GARNL3: variants seen among roughly 807,000 people sequenced by gnomAD.
GARNL3 encodes GTPase-activating Rap/Ran-GAP domain-like protein 3.
A neutral mutation model predicts 125.0 loss-of-function variants in GARNL3; 63 were observed. The ratio of observed to expected loss-of-function variants is 0.50; its 90% CI spans 0.41 to 0.62. The LOEUF is 0.62. Among genes scored for constraint, GARNL3 ranks in the 20% least tolerant of loss-of-function variants. The pLI is 0.00. For synonymous variants in GARNL3, 439 were observed against 457.5 expected (o/e 0.96, Z 0.52); for missense variants, 994 against 1,244.0 (o/e 0.80, Z 3.02).
At chr9:127,272,409 T>C (rs2063844208) in intron 1 of GARNL3, among the ~76,000 whole-genome samples, 1 of 150,138 alleles carries the variant, frequency 6.7e-6, no homozygotes, top group African/African-American at 2.5e-5. Flanking sequence ...TTCAGCGTTG[T>C]ACAGCTAAAA....
intron 1 of GARNL3, among the ~76,000 whole-genome samples, chr9:127,279,568 T>C (rs76575430): frequency 0.039 from 5,987 of 152,264 alleles, 374 homozygotes; most frequent in African/African-American, 0.13. Flanking sequence ...TTTTCATCCT[T>C]TTTTATCTCA....
intron 22 of GARNL3, among the ~76,000 whole-genome samples, chr9:127,366,264 G>A (rs1417857417): frequency 6.6e-6 from 1 of 152,188 alleles, no homozygotes; most frequent in South Asian, 2.1e-4. Context: ...TTCAAAATTC[G>A]AGATTTATGG....
At chr9:127,257,075 A>T (rs1002595570) in intron 2 of GARNL3, among the ~76,000 whole-genome samples, 6 of 152,216 alleles carry the variant, frequency 3.9e-5, no homozygotes, top group Admixed American at 1.3e-4. Flanking sequence ...TTCCCTGGAG[A>T]TTAATCCAAG....
rs142080037 is a variant in GARNL3 at position 127,256,111 on chromosome 9, C to G, written c.144-8841C>G. On this transcript the variant is annotated intron_variant, in intron 2 of 10. Coordinates refer to the GARNL3 transcript ENST00000439286. ...CCTTATATTAAGTTTCCGTTTAATA[C>G]AATTTGGTCATGCATTTATAGATCC... is the stretch of plus-strand genomic sequence containing the variant. 2.6e-5 allele frequency among the ~76,000 whole-genome samples: 4 copies of G among 152,292 alleles called. No individual in the cohort carries two copies. In the East Asian group the frequency reaches 7.7e-4, roughly 29 times the overall value.
intron 22 of GARNL3, among the ~76,000 whole-genome samples, chr9:127,372,044 T>C (rs1831639949): frequency 6.6e-6 from 1 of 152,230 alleles, no homozygotes; most frequent in African/African-American, 2.4e-5. Flanking sequence ...ATGATTCTCC[T>C]GCGTCAGCCT....
intron 27 of GARNL3, among the ~76,000 whole-genome samples, chr9:127,391,591 T>C (rs1368740439): frequency 1.4e-5 from 2 of 138,134 alleles, no homozygotes; most frequent in East Asian, 4.2e-4. Context: ...TCCCAGTTAC[T>C]TGGGAGGCTA....
chr9:127,245,165 G>C (rs916887605), intron 2 of GARNL3, among the ~76,000 whole-genome samples: 3 of 152,364 alleles, frequency 2.0e-5, no homozygotes, highest in East Asian at 1.9e-4. Flanking sequence ...ACCCGCAGTG[G>C]AGCTGGCCCG....
intron 12 of GARNL3, 100 bp from the exon 13 acceptor site, chr9:127,339,545 G>A (rs1402358662): frequency 1.3e-5 from 11 of 817,766 alleles, no homozygotes; most frequent in Non-Finnish European, 2.3e-5. Context: ...CCCATGGCAT[G>A]TGGGAATTCT....
At chr9:127,346,159 A>G (rs10739691) in intron 16 of GARNL3, among the ~76,000 whole-genome samples, 117,457 of 152,162 alleles carry the variant, frequency 0.77, 45,577 homozygotes, top group East Asian at 0.93. Context: ...ATCAAAAATA[A>G]AACAGACAAA....
intron 17 of GARNL3, among the ~76,000 whole-genome samples, chr9:127,349,625 C>T (rs754751584): frequency 1.3e-5 from 2 of 152,148 alleles, no homozygotes; most frequent in Non-Finnish European, 2.9e-5. Context: ...GATCAGCCAC[C>T]GTCGCCCAGA....
rs1417230240 is a variant in GARNL3 at position 127,384,578 on chromosome 9, A to G, written c.2270-449A>G. Among the ~76,000 whole-genome samples the G allele has an allele frequency of 6.6e-6, 1 of 152,172 alleles. No individual in the cohort carries two copies. The highest frequency in any genetic ancestry group is 1.5e-5 in the Non-Finnish European group (1 of 68,026). On this transcript the variant is annotated intron_variant, in intron 23 of 27. Transcript: ENST00000373387. The surrounding 1 kb of genome is among the most constrained non-coding windows in gnomAD (Gnocchi z 4.0). Reference sequence around the variant, plus strand: ...CTCAGACGTGCAGCTGGAGGAGCACATGGGAGGAGCGAGGAGCACTGAGGG... The same window carrying G: ...CTCAGACGTGCAGCTGGAGGAGCACGTGGGAGGAGCGAGGAGCACTGAGGG...
At chr9:127,358,411 C>G (rs1830802081) in intron 21 of GARNL3, among the ~76,000 whole-genome samples, 2 of 152,218 alleles carry the variant, frequency 1.3e-5, no homozygotes, top group South Asian at 2.1e-4. Context: ...GAGACTAACT[C>G]CTAGTGAGGG....
chr9:127,247,036 C>A (rs990287211), intron 2 of GARNL3, among the ~76,000 whole-genome samples: 1 of 148,370 alleles, frequency 6.7e-6, no homozygotes, highest in Non-Finnish European at 1.5e-5. Flanking sequence ...AGCAGGGACA[C>A]TCTTTCAGCG....
chr9:127,285,929 G>A (rs1375965634), intron 1 of GARNL3, among the ~76,000 whole-genome samples: 1 of 151,830 alleles, frequency 6.6e-6, no homozygotes, highest in Non-Finnish European at 1.5e-5. Flanking sequence ...TTTTGTTTTA[G>A]TAGGGAAATG....
chr9:127,293,427 G>T (rs2064487464), intron 2 of GARNL3, among the ~76,000 whole-genome samples: 1 of 151,948 alleles, frequency 6.6e-6, no homozygotes, highest in Non-Finnish European at 1.5e-5. Flanking sequence ...CACTTTCTTG[G>T]TTGTGTCCTT....
intron 16 of GARNL3, among the ~76,000 whole-genome samples, chr9:127,348,457 T>C (rs531580916): frequency 1.3e-5 from 2 of 152,326 alleles, no homozygotes; most frequent in African/African-American, 4.8e-5. Context: ...GTGAAAACAA[T>C]ATCAACCTTT....
At chr9:127,330,282 C>G (rs1829150251) in intron 7 of GARNL3, among the ~76,000 whole-genome samples, 1 of 152,192 alleles carries the variant, frequency 6.6e-6, no homozygotes, top group Non-Finnish European at 1.5e-5. Context: ...CATGTGCTTA[C>G]TGTCATCACT....
chr9:127,301,871 G>A (rs1477269894), intron 2 of GARNL3, among the ~76,000 whole-genome samples: 1 of 149,150 alleles, frequency 6.7e-6, no homozygotes, highest in Non-Finnish European at 1.5e-5. Context: ...TGGTGCAGCA[G>A]AGGGGACAAT....
chr9:127,264,883 A>G lies in GARNL3; in HGVS notation c.6A>G (p.Val2=). Residue 2 remains valine (V), a synonymous_variant, in exon 1 of 28, where the codon GTA becomes GTG. Coordinates refer to ENST00000373387, the MANE Select transcript of GARNL3 (RefSeq NM_032293.5). ...CATAGCAGCCCTTTTTGCAAATGGT[A>G]GTTGATTTTTGCAGAAGGTTTGTGG... is the stretch of plus-strand genomic sequence containing the variant. M[V]VDFCRRFVAR... The G allele has an allele frequency of 6.3e-7, 1 of 1,577,746 alleles. No individual in the cohort carries two copies. The highest frequency in any genetic ancestry group is 8.6e-7 in the Non-Finnish European group (1 of 1,158,656).
Sources: gnomAD v4.1 joint callset for allele counts (sites outside exome capture counted in the v4.1 genomes callset) on GRCh38, gnomAD v4.1.1 for gene constraint, Gnocchi (gnomAD v3.1) non-coding constraint, MANE v1.5 for transcripts, NCBI Gene and HGNC (gene_info 2026-07-23, HGNC 2026-07-21) for gene names.